CNTN6: variants seen among roughly 807,000 people sequenced by gnomAD.
The protein encoded by CNTN6 is contactin 6, also known as contactin-6.
Under a neutral mutation model 122.8 loss-of-function variants are expected in CNTN6, and 137 were observed. That is an observed-to-expected ratio of 1.12 (90% CI 0.97 to 1.29). The LOEUF (loss-of-function observed/expected upper bound fraction) is 1.29, where lower values mean the gene tolerates loss of function less well. Ranked by LOEUF, CNTN6 falls within the 50% of genes most tolerant of loss-of-function variation. The pLI, the probability that CNTN6 is intolerant of heterozygous loss-of-function variation, is 0.00. For missense variants in CNTN6, 1,634 were observed against 1,223.4 expected, an observed-to-expected ratio of 1.34 and a Z score of -5.01; for synonymous variants, 570 against 426.0, an observed-to-expected ratio of 1.34 and a Z score of -4.16.
intron 4 of CNTN6, among the ~76,000 whole-genome samples, chr3:1,272,837 C>G (rs1358652429): frequency 6.6e-6 from 1 of 152,174 alleles, no homozygotes; most frequent in Non-Finnish European, 1.5e-5. Flanking sequence ...AGATTCATTC[C>G]TACACGTGGC....
intron 12 of CNTN6, among the ~76,000 whole-genome samples, chr3:1,358,458 AT>A (rs34913678): frequency 0.41 from 59,428 of 144,640 alleles, 13,631 homozygotes; most frequent in African/African-American, 0.64. Flanking sequence ...CTCTAGGGCC[AT>A]TTTTTTTTTT....
rs549216092 is a variant in CNTN6, at chr3:1,210,331, A to AATTGG, written c.56-10355_56-10351dup. Among the ~76,000 whole-genome samples, 609 of 152,114 alleles carry AATTGG rather than the reference A, an allele frequency of 4.0e-3. 3 individuals carry two copies. The highest frequency in any genetic ancestry group is 0.014 in the African/African-American group (568 of 41,496). ...GTGACTTGACAGGAAGTTTAAAGAA[A>AATTGG]ATTGGTAAAAGATAAATACGTGTGG... On this transcript the variant is annotated intron_variant, in intron 2 of 22. Transcript: ENST00000446702.
chr3:1,186,286 T>C (rs938514161), intron 2 of CNTN6, among the ~76,000 whole-genome samples: 1 of 152,168 alleles, frequency 6.6e-6, no homozygotes. Flanking sequence ...CATAGGTACA[T>C]GTTTAAATAT....
chr3:1,336,221 A>G (rs761996241), intron 11 of CNTN6, among the ~76,000 whole-genome samples: 2 of 152,160 alleles, frequency 1.3e-5, no homozygotes, highest in Non-Finnish European at 2.9e-5. Context: ...AGTCTCATTA[A>G]TAATGATGAT....
chr3:1,400,748 A>C (rs1222475509), intron 20 of CNTN6, among the ~76,000 whole-genome samples: 1 of 152,096 alleles, frequency 6.6e-6, no homozygotes. Flanking sequence ...TTTAAGTTTC[A>C]GGTGTGGTGA....
At chr3:1,388,554 C>T (rs1693556669) in intron 20 of CNTN6, among the ~76,000 whole-genome samples, 1 of 151,012 alleles carries the variant, frequency 6.6e-6, no homozygotes, top group Admixed American at 6.6e-5. Context: ...CGGAACAAAG[C>T]TGGACGGAGA....
intron 4 of CNTN6, among the ~76,000 whole-genome samples, chr3:1,262,472 C>A (rs1008748267): frequency 6.6e-6 from 1 of 152,118 alleles, no homozygotes; most frequent in African/African-American, 2.4e-5. Flanking sequence ...GATATGCCTC[C>A]TGCACTTTGT....
At chr3:1,132,054 C>T (rs2092350114) in intron 1 of CNTN6, among the ~76,000 whole-genome samples, 1 of 151,996 alleles carries the variant, frequency 6.6e-6, no homozygotes, top group South Asian at 2.1e-4. Context: ...GATATATGTG[C>T]TTTTCTATAT....
At chr3:1,152,630 T>C (rs772508826) in intron 2 of CNTN6, among the ~76,000 whole-genome samples, 13 of 152,184 alleles carry the variant, frequency 8.5e-5, no homozygotes, top group Non-Finnish European at 1.6e-4. Flanking sequence ...GATTCTATTT[T>C]ATTAAATCTT....
chr3:1,374,377 A>G (rs1219825289), intron 16 of CNTN6, among the ~76,000 whole-genome samples: 1 of 152,130 alleles, frequency 6.6e-6, no homozygotes, highest in East Asian at 1.9e-4. Context: ...AGATTTGTAT[A>G]TGCAAATGAG....
At chr3:1,226,570 T>C (rs1173790042) in intron 3 of CNTN6, among the ~76,000 whole-genome samples, 2 of 152,118 alleles carry the variant, frequency 1.3e-5, no homozygotes, top group African/African-American at 2.4e-5. Context: ...TCAAGAAGAA[T>C]TGGAACAAAA....
chr3:1,322,861 C>T (rs897447441), intron 8 of CNTN6, among the ~76,000 whole-genome samples: 2 of 151,452 alleles, frequency 1.3e-5, no homozygotes, highest in African/African-American at 4.8e-5. Context: ...TTTTAGCAAA[C>T]CTAGCCAAGA....
At chr3:1,293,921 T>C (rs1695764298) in intron 5 of CNTN6, among the ~76,000 whole-genome samples, 1 of 152,206 alleles carries the variant, frequency 6.6e-6, no homozygotes, top group African/African-American at 2.4e-5. Flanking sequence ...TTGCTTTTGC[T>C]CAAAGATTTC....
chr3:1,158,862 A>G (rs1376672844), intron 2 of CNTN6, among the ~76,000 whole-genome samples: 4 of 104,304 alleles, frequency 3.8e-5, no homozygotes, highest in Non-Finnish European at 5.5e-5. Flanking sequence ...ACATATATAT[A>G]CACACATATA....
At chr3:1,200,726 C>G (rs893948963) in intron 2 of CNTN6, among the ~76,000 whole-genome samples, 2 of 152,150 alleles carry the variant, frequency 1.3e-5, no homozygotes, top group Non-Finnish European at 1.5e-5. Flanking sequence ...CCAAAGCCCT[C>G]AGGATTAGTT....
intron 2 of CNTN6, among the ~76,000 whole-genome samples, chr3:1,210,237 TTC>T (rs763593285): frequency 3.3e-4 from 50 of 152,112 alleles, no homozygotes; most frequent in Non-Finnish European, 6.2e-4. Context: ...AGAATTACTT[TTC>T]TGTTTTATTT....
chr3:1,165,138 A>G (rs896725543), intron 2 of CNTN6, among the ~76,000 whole-genome samples: 1 of 152,134 alleles, frequency 6.6e-6, no homozygotes, highest in Non-Finnish European at 1.5e-5. Context: ...ATGCTTGTCC[A>G]TGGTTATTTG....
intron 1 of CNTN6, among the ~76,000 whole-genome samples, chr3:1,124,200 A>G (rs985208316): frequency 9.9e-5 from 15 of 151,932 alleles, no homozygotes; most frequent in Non-Finnish European, 1.0e-4. Context: ...TGGATGTTCT[A>G]CAACAGAGAG....
At chr3:1,349,157 G>A (rs265755) in intron 11 of CNTN6, among the ~76,000 whole-genome samples, 12 of 151,726 alleles carry the variant, frequency 7.9e-5, no homozygotes, top group Non-Finnish European at 1.3e-4. Context: ...TCATTTCATG[G>A]TGCTCACAAA....
Sources: gnomAD v4.1 joint callset for allele counts (sites outside exome capture counted in the v4.1 genomes callset) on GRCh38, gnomAD v4.1.1 for gene constraint, MANE v1.5 for transcripts, NCBI Gene and HGNC (gene_info 2026-07-23, HGNC 2026-07-21) for gene names.